The following RAB10 variants were observed in gnomAD, a reference collection of about 807,000 sequenced individuals.
The protein encoded by RAB10 is RAB10, member RAS oncogene family.
In RAB10, 5 loss-of-function variants were observed where a neutral mutation model predicts 25.7. That is an observed-to-expected ratio of 0.19 (90% CI 0.10 to 0.41). The LOEUF is 0.41. RAB10 is among the 10% of genes least tolerant of loss of function. The pLI is 1.00. For synonymous variants in RAB10, 89 were observed against 86.4 expected, an observed-to-expected ratio of 1.03 and a Z score of -0.16; for missense variants, 103 against 245.8, an observed-to-expected ratio of 0.42 and a Z score of 3.89.
intron 1 of RAB10, among the ~76,000 whole-genome samples, chr2:26,078,144 G>A (rs568587391): frequency 9.9e-5 from 15 of 152,234 alleles, no homozygotes; most frequent in Admixed American, 2.6e-4. Context: ...AAGACTTAAT[G>A]AAAACTAGAA....
intron 5 of RAB10, among the ~76,000 whole-genome samples, chr2:26,131,377 C>G (rs995019535): frequency 1.3e-5 from 2 of 152,142 alleles, no homozygotes; most frequent in Non-Finnish European, 2.9e-5. Context: ...CAAACTTGGT[C>G]TAGAGTTTTC....
chr2:26,056,665 T>C (rs1666274121), intron 1 of RAB10, among the ~76,000 whole-genome samples: 1 of 152,214 alleles, frequency 6.6e-6, no homozygotes, highest in South Asian at 2.1e-4. Flanking sequence ...TCTAGGTCTG[T>C]CACCCTGGCT....
At chr2:26,100,436 G>A (rs1200606774) in intron 2 of RAB10, among the ~76,000 whole-genome samples, 1 of 152,100 alleles carries the variant, frequency 6.6e-6, no homozygotes, top group African/African-American at 2.4e-5. Context: ...TAAATAGACA[G>A]CCAATAATTG....
At chr2:26,045,709 G>C (rs1356307061) in intron 1 of RAB10, among the ~76,000 whole-genome samples, 1 of 152,156 alleles carries the variant, frequency 6.6e-6, no homozygotes, top group Non-Finnish European at 1.5e-5. Context: ...TATTGAGATG[G>C]TTAAGTCATA....
At chr2:26,064,049 G>A (rs1163811528) in intron 1 of RAB10, among the ~76,000 whole-genome samples, 3 of 152,136 alleles carry the variant, frequency 2.0e-5, no homozygotes, top group Admixed American at 6.5e-5. Flanking sequence ...TGATCTGCCC[G>A]CCTTGGTGGT....
intron 3 of RAB10, among the ~76,000 whole-genome samples, chr2:26,113,872 A>G (rs1394959045): frequency 1.3e-5 from 2 of 152,138 alleles, no homozygotes; most frequent in African/African-American, 4.8e-5. Flanking sequence ...AACTCTTAGA[A>G]CTAATAAACA....
chr2:26,124,389 C>CTTTTTT (rs10669615), intron 3 of RAB10, among the ~76,000 whole-genome samples: 1,383 of 19,612 alleles, frequency 0.071, 535 homozygotes, highest in Middle Eastern at 0.29. Context: ...GTTGTTGTTG[C>CTTTTTT]TTTTTTTTTT....
intron 1 of RAB10, among the ~76,000 whole-genome samples, chr2:26,037,889 TTTC>T (rs1449116920): frequency 2.0e-5 from 3 of 152,122 alleles, no homozygotes; most frequent in Non-Finnish European, 2.9e-5. Context: ...CACTAAACAA[TTTC>T]TTTTTTTTTT....
chr2:26,044,228 C>T (rs933528512), intron 1 of RAB10, among the ~76,000 whole-genome samples: 2 of 152,208 alleles, frequency 1.3e-5, no homozygotes, highest in African/African-American at 2.4e-5. Context: ...AACTAACACT[C>T]GACCCAGTTC....
chr2:26,109,385 CTT>C (rs1667528481), intron 2 of RAB10, among the ~76,000 whole-genome samples: 1 of 152,070 alleles, frequency 6.6e-6, no homozygotes, highest in African/African-American at 2.4e-5. Flanking sequence ...ACATTTCTGT[CTT>C]ATTATTTATA....
chr2:26,081,322 C>A (rs905170570), intron 1 of RAB10, among the ~76,000 whole-genome samples: 1 of 152,142 alleles, frequency 6.6e-6, no homozygotes, highest in Admixed American at 6.5e-5. Flanking sequence ...ATATGATCAA[C>A]TGAGAAAGGT....
At chr2:26,109,187 A>G (rs1348969272) in intron 2 of RAB10, among the ~76,000 whole-genome samples, 2 of 152,016 alleles carry the variant, frequency 1.3e-5, no homozygotes, top group Non-Finnish European at 2.9e-5. Context: ...TGGGATTACA[A>G]GTGTGAGCCA....
In RAB10 at chr2:26,127,888, T is replaced by C. The variant is rs139641380; in HGVS notation, c.456T>C (p.Ser152=). 3.9e-4 allele frequency: 620 copies of C among 1,610,288 alleles called. 2 individuals carry two copies. The African/African-American group carries it at 6.6e-3, about 17-fold the overall frequency. ...ATGGTATTAGGTTTTTTGAGACTAG[T>C]GCAAAAGCAAATATAAACATCGAAA... ...REHGIRFFET[S]AKANINIEKA... is the part of the protein sequence containing the mutation. Residue 152 remains serine, a synonymous_variant, in exon 5 of 6, where the codon AGT becomes AGC. Coordinates refer to ENST00000264710, the MANE Select transcript of RAB10 (RefSeq NM_016131.5).
chr2:26,122,886 A>G (rs913174525), intron 3 of RAB10, among the ~76,000 whole-genome samples: 9 of 152,058 alleles, frequency 5.9e-5, no homozygotes, highest in African/African-American at 1.7e-4. Flanking sequence ...AAAGTGTCCT[A>G]TTCTCGGGGT....
At chr2:26,112,775 G>A (rs554680760) in intron 3 of RAB10, among the ~76,000 whole-genome samples, 10 of 152,040 alleles carry the variant, frequency 6.6e-5, no homozygotes, top group Non-Finnish European at 8.8e-5. Flanking sequence ...AAAAAGAAAA[G>A]AAGTTATTTA....
At chr2:26,098,470 C>T (rs1400083439) in intron 1 of RAB10, 192 bp from the exon 2 acceptor site, 4 of 522,428 alleles carry the variant, frequency 7.7e-6, no homozygotes, top group African/African-American at 2.0e-5. Context: ...TCTATTTTTC[C>T]TCCTATCCTG....
At chr2:26,041,835 C>T (rs552561497) in intron 1 of RAB10, among the ~76,000 whole-genome samples, 5 of 151,894 alleles carry the variant, frequency 3.3e-5, no homozygotes, top group South Asian at 2.1e-4. Context: ...ACCAGGGAGG[C>T]GGAGGTTGCG....
At chr2:26,045,529 GC>G (rs1665983160) in intron 1 of RAB10, among the ~76,000 whole-genome samples, 2 of 151,932 alleles carry the variant, frequency 1.3e-5, no homozygotes, top group South Asian at 2.1e-4. Context: ...GTGAGCCACC[GC>G]GCCCGGCCGT....
intron 1 of RAB10, among the ~76,000 whole-genome samples, chr2:26,060,511 A>G (rs1268615910): frequency 2.0e-5 from 3 of 152,012 alleles, no homozygotes; most frequent in Non-Finnish European, 4.4e-5. Context: ...CCAGGTCTCG[A>G]TCTCCTGACC....
Sources: gnomAD v4.1 joint callset for allele counts (sites outside exome capture counted in the v4.1 genomes callset) on GRCh38, gnomAD v4.1.1 for gene constraint, MANE v1.5 for transcripts, NCBI Gene and HGNC (gene_info 2026-07-23, HGNC 2026-07-21) for gene names.